ASH1L: variants seen among roughly 807,000 people sequenced by gnomAD.
ASH1L encodes the protein ASH1 like histone lysine methyltransferase, also known as histone-lysine N-methyltransferase ASH1L.
A neutral mutation model predicts 269.0 loss-of-function variants in ASH1L; 23 were observed. The ratio of observed to expected loss-of-function variants is 0.09; its 90% CI spans 0.06 to 0.12. The LOEUF (loss-of-function observed/expected upper bound fraction) is 0.12. Ranked by LOEUF, ASH1L falls within the 10% of genes least tolerant of loss-of-function variation. ASH1L has a pLI of 1.00. For missense variants in ASH1L, 2,912 were observed against 3,567.8 expected (o/e 0.82, Z 4.68); for synonymous variants, 1,187 against 1,253.5 (o/e 0.95, Z 1.12).
At position 155,547,970 on chromosome 1, in the gene ASH1L, C is replaced by T. The variant is rs532203838; in HGVS notation, c.-100+14183G>A. 3.9e-5 allele frequency among the ~76,000 whole-genome samples: 6 copies of T among 152,142 alleles called. No homozygotes were observed. In the South Asian group the frequency reaches 8.3e-4, roughly 21 times the overall value. On this transcript the variant is annotated intron_variant, in intron 1 of 27. Transcript: ENST00000392403. ...CAGCCTGGGCGACAGAGCGAGACTC[C>T]GTCTCAAAAAAGAAAAAACAAAGGA...
chr1:155,496,368 C>T (rs767158526), intron 2 of ASH1L, among the ~76,000 whole-genome samples: 5 of 152,110 alleles, frequency 3.3e-5, no homozygotes, highest in South Asian at 2.1e-4. Context: ...ACGCAGCACG[C>T]GACTGTAGTT....
chr1:155,513,756 A>G (rs1229648044), intron 2 of ASH1L, among the ~76,000 whole-genome samples: 1 of 152,106 alleles, frequency 6.6e-6, no homozygotes. Flanking sequence ...CAACTGTTAA[A>G]AGCTGGAAGC....
chr1:155,528,951 A>G (rs1212496447), intron 1 of ASH1L, among the ~76,000 whole-genome samples: 2 of 152,026 alleles, frequency 1.3e-5, no homozygotes. Flanking sequence ...AACATACAGT[A>G]TTTGATTTTC....
rs1365609368 is a variant in ASH1L at position 155,479,382 on chromosome 1, G to A, written c.3488C>T (p.Pro1163Leu). The A allele has an allele frequency of 1.2e-6, 2 of 1,614,144 alleles. No homozygotes were observed. The highest frequency in any genetic ancestry group is 1.7e-5 in the Admixed American group (1 of 60,008). ...KASKGRRRLS[P>L]PTLLPNSPSH... ...AGGAGAATTTGGCAACAAAGTAGGAGGAGATAACCGCCTCCTCCCCTTTGA... is the reference window on the plus strand; with the variant it reads ...AGGAGAATTTGGCAACAAAGTAGGAAGAGATAACCGCCTCCTCCCCTTTGA... Residue 1163 changes from proline to leucine, a missense_variant, in exon 3 of 28, where the codon CCT (proline) becomes CTT (leucine). By Grantham distance (98) the Pro-to-Leu change is moderately conservative. Coordinates refer to ENST00000392403, the MANE Select transcript of ASH1L (RefSeq NM_018489.3).
intron 5 of ASH1L, among the ~76,000 whole-genome samples, chr1:155,417,931 C>G (rs1045043586): frequency 4.0e-5 from 6 of 150,848 alleles, no homozygotes; most frequent in Non-Finnish European, 5.9e-5. Flanking sequence ...GCACTCCAGC[C>G]TGGGTGACAA....
chr1:155,450,935 C>T (rs1571247111), intron 4 of ASH1L, among the ~76,000 whole-genome samples: 1 of 152,166 alleles, frequency 6.6e-6, no homozygotes, highest in African/African-American at 2.4e-5. Flanking sequence ...CAGTGGCTCA[C>T]ACCTGTAATC....
Position 155,477,911 on chromosome 1 carries a change from G to A in ASH1L, c.4959C>T (p.Asn1653=), listed in dbSNP as rs777473734. The change falls in exon 3 of 28, where the codon AAC becomes AAT. Residue 1653 remains asparagine (N), a synonymous_variant. Coordinates refer to ENST00000392403, the MANE Select transcript of ASH1L (RefSeq NM_018489.3). ...RLHRKESLPS[N]ERAVQTLAGS... is the part of the protein sequence containing the mutation. ...CTGCCAAAGTCTGTACTGCCCTTTC[G>A]TTAGAAGGCAGTGACTCCTTTCTGT... 4.4e-5 allele frequency: 71 copies of A among 1,612,608 alleles called. No individual in the cohort carries two copies. In the East Asian group the frequency reaches 4.5e-4, roughly 10 times the overall value.
chr1:155,452,141 C>T (rs1019189078), intron 4 of ASH1L, among the ~76,000 whole-genome samples: 1 of 151,494 alleles, frequency 6.6e-6, no homozygotes. Context: ...TGGGTTCAAG[C>T]GATTCTCGTG....
chr1:155,443,979 CTTTTTTTT>C (rs60206113), intron 4 of ASH1L, among the ~76,000 whole-genome samples: 5 of 105,768 alleles, frequency 4.7e-5, no homozygotes, highest in African/African-American at 2.0e-4. Context: ...ATTACTAAAT[CTTTTTTTT>C]TTTTTTTTTT....
intron 2 of ASH1L, among the ~76,000 whole-genome samples, chr1:155,515,832 T>TAAAAAA (rs755945664): frequency 9.4e-6 from 1 of 106,776 alleles, no homozygotes; most frequent in Non-Finnish European, 1.9e-5. Flanking sequence ...GACTCTGCCT[T>TAAAAAA]AAAAAAAAAA....
chr1:155,477,060 G>A (rs1395408870), intron 3 of ASH1L, among the ~76,000 whole-genome samples: 1 of 151,998 alleles, frequency 6.6e-6, no homozygotes, highest in African/African-American at 2.4e-5. Context: ...ATATATACCC[G>A]TAATTTTACT....
intron 2 of ASH1L, among the ~76,000 whole-genome samples, chr1:155,494,928 GAA>G (rs1223300663): frequency 3.3e-5 from 5 of 151,216 alleles, no homozygotes; most frequent in Non-Finnish European, 5.9e-5. Flanking sequence ...AAAGAATAAG[GAA>G]AAAGAGAGAG....
chr1:155,513,387 T>C (rs950873321), intron 2 of ASH1L, among the ~76,000 whole-genome samples: 1 of 151,564 alleles, frequency 6.6e-6, no homozygotes, highest in Non-Finnish European at 1.5e-5. Context: ...CTGGGCAACA[T>C]GGTGAAACCC....
At chr1:155,433,337 T>A (rs1233416446) in intron 5 of ASH1L, 4 of 1,588,096 alleles carry the variant, frequency 2.5e-6, no homozygotes, top group Non-Finnish European at 2.6e-6. Flanking sequence ...GGGAGTTGGG[T>A]CAGGCTCTGA....
chr1:155,548,097 A>G (rs529966477), intron 1 of ASH1L, among the ~76,000 whole-genome samples: 2 of 152,314 alleles, frequency 1.3e-5, no homozygotes, highest in African/African-American at 4.8e-5. Context: ...GTTCTCACCC[A>G]TAAGTGGGAG....
chr1:155,378,272 T>C lies in ASH1L; in HGVS notation c.6332+9A>G. The C allele has an allele frequency of 6.2e-7, 1 of 1,607,648 alleles. No individual in the cohort carries two copies. Among genetic ancestry groups the C allele is most frequent in the East Asian group, 2.2e-5 (1 of 44,832 alleles). On this transcript the variant is annotated intron_variant, in intron 10 of 27. Coordinates refer to ENST00000392403, the MANE Select transcript of ASH1L (RefSeq NM_018489.3). ...CCTATGCTTTAGAGAAATCAAAGCA[T>C]GACAGTACCTATTGAGGCAGTCATC...
intron 2 of ASH1L, among the ~76,000 whole-genome samples, chr1:155,509,179 C>T (rs1205616605): frequency 1.3e-5 from 2 of 152,078 alleles, no homozygotes; most frequent in African/African-American, 4.8e-5. Flanking sequence ...AAACAAAATA[C>T]TTAAAACTGT....
At chr1:155,413,727 T>A (rs1262164856) in intron 6 of ASH1L, among the ~76,000 whole-genome samples, 1 of 152,032 alleles carries the variant, frequency 6.6e-6, no homozygotes, top group African/African-American at 2.4e-5. Flanking sequence ...CATGAGGGAA[T>A]CTTAGGAATG....
intron 5 of ASH1L, among the ~76,000 whole-genome samples, 200 bp from the exon 6 acceptor site, chr1:155,416,123 G>C (rs896411915): frequency 9.1e-6 from 1 of 110,208 alleles, no homozygotes; most frequent in African/African-American, 2.6e-5. Flanking sequence ...GATACTTAGA[G>C]AAAATTTTAT....
Sources: allele counts gnomAD v4.1 joint callset (sites outside exome capture counted in the v4.1 genomes callset), GRCh38; gene constraint gnomAD v4.1.1; transcripts MANE v1.5; gene names NCBI Gene and HGNC (gene_info 2026-07-23, HGNC 2026-07-21).